The following MAGI2 variants were observed in gnomAD, a reference collection of about 807,000 sequenced individuals.
The protein encoded by MAGI2 is membrane-associated guanylate kinase, WW and PDZ domain-containing protein 2.
A neutral mutation model predicts 133.3 loss-of-function variants in MAGI2; 35 were observed. The observed-to-expected ratio is 0.26, with a 90% CI of 0.20 to 0.35. MAGI2 has a LOEUF of 0.35. Ranked by LOEUF, MAGI2 falls within the 10% of genes least tolerant of loss-of-function variation. MAGI2 has a pLI of 1.00. For synonymous variants in MAGI2, 729 were observed against 710.6 expected (o/e 1.03, Z -0.41); for missense variants, 1,636 against 1,863.4 (o/e 0.88, Z 2.25).
intron 2 of MAGI2, among the ~76,000 whole-genome samples, chr7:78,886,987 G>T (rs1045389142): frequency 6.6e-6 from 1 of 152,068 alleles, no homozygotes; most frequent in Non-Finnish European, 1.5e-5. Flanking sequence ...TTCTCCCTTT[G>T]CTGGGCACTT....
chr7:78,055,932 G>A (rs1417448520), intron 21 of MAGI2, among the ~76,000 whole-genome samples: 1 of 152,140 alleles, frequency 6.6e-6, no homozygotes, highest in Non-Finnish European at 1.5e-5. Flanking sequence ...GTGTGGCAGT[G>A]TCTTTTTTTT....
chr7:79,255,662 G>A (rs1833629335), intron 1 of MAGI2, among the ~76,000 whole-genome samples: 2 of 152,072 alleles, frequency 1.3e-5, no homozygotes, highest in Admixed American at 1.3e-4. Context: ...AACAACAGCA[G>A]GTGTGGAAAT....
chr7:79,298,418 T>C (rs1346437602), intron 1 of MAGI2, among the ~76,000 whole-genome samples: 1 of 152,080 alleles, frequency 6.6e-6, no homozygotes, highest in Admixed American at 6.6e-5. Flanking sequence ...GTAAGTTCTT[T>C]TAGGAACAAG....
intron 1 of MAGI2, among the ~76,000 whole-genome samples, chr7:79,309,979 AAAAAG>A (rs556576123): frequency 7.1e-6 from 1 of 141,188 alleles, no homozygotes; most frequent in Non-Finnish European, 1.5e-5. Flanking sequence ...AAAAAAAAAA[AAAAAG>A]AAAAGAAAAG....
chr7:79,201,112 G>A (rs1828575223), intron 1 of MAGI2, among the ~76,000 whole-genome samples: 1 of 151,992 alleles, frequency 6.6e-6, no homozygotes, highest in South Asian at 2.1e-4. Context: ...AGAGGGGTGG[G>A]AGACAGGTAT....
intron 1 of MAGI2, among the ~76,000 whole-genome samples, chr7:79,283,268 T>C (rs778612549): frequency 1.3e-5 from 2 of 152,118 alleles, no homozygotes; most frequent in Non-Finnish European, 2.9e-5. Context: ...AGAGGACATA[T>C]AAATGCATGA....
At chr7:78,320,801 G>C (rs373819119) in intron 9 of MAGI2, among the ~76,000 whole-genome samples, 32 of 152,142 alleles carry the variant, frequency 2.1e-4, no homozygotes, top group African/African-American at 7.2e-4. Flanking sequence ...AGAAACAAAG[G>C]GTATTCAAAT....
At chr7:78,340,021 T>G (rs948614794) in intron 9 of MAGI2, among the ~76,000 whole-genome samples, 3 of 152,204 alleles carry the variant, frequency 2.0e-5, no homozygotes, top group Non-Finnish European at 4.4e-5. Flanking sequence ...TACCTCAATT[T>G]TTTTTGTTTC....
At chr7:78,119,688 G>A (rs754011427) in intron 20 of MAGI2, among the ~76,000 whole-genome samples, 1 of 151,994 alleles carries the variant, frequency 6.6e-6, no homozygotes, top group Non-Finnish European at 1.5e-5. Flanking sequence ...CCAGTCTGGT[G>A]GGAAATGTTG....
At chr7:79,182,236 C>T (rs1826685752) in intron 1 of MAGI2, among the ~76,000 whole-genome samples, 1 of 151,954 alleles carries the variant, frequency 6.6e-6, no homozygotes, top group East Asian at 1.9e-4. Flanking sequence ...ATTCCTGAGA[C>T]TGGGCAATTT....
At chr7:78,473,068 A>G (rs2150430447) in intron 6 of MAGI2, among the ~76,000 whole-genome samples, 1 of 152,242 alleles carries the variant, frequency 6.6e-6, no homozygotes, top group South Asian at 2.1e-4. Flanking sequence ...ATTATTTCAC[A>G]AAGTGCTCAT....
At chr7:79,227,404 A>G (rs866296931) in intron 1 of MAGI2, among the ~76,000 whole-genome samples, 11 of 152,234 alleles carry the variant, frequency 7.2e-5, no homozygotes, top group African/African-American at 2.4e-4. Context: ...CAAACATTTA[A>G]TTCTTTCTGC....
At chr7:78,680,463 T>C (rs925410633) in intron 2 of MAGI2, among the ~76,000 whole-genome samples, 20 of 152,042 alleles carry the variant, frequency 1.3e-4, no homozygotes, top group Non-Finnish European at 2.5e-4. Flanking sequence ...TAAGGAGCAA[T>C]AAAAGAACAG....
intron 1 of MAGI2, among the ~76,000 whole-genome samples, chr7:79,087,763 C>T (rs928769106): frequency 2.0e-5 from 3 of 151,998 alleles, no homozygotes; most frequent in African/African-American, 4.8e-5. Flanking sequence ...ATCCTTTCCC[C>T]ATTGCTTGTT....
chr7:78,937,012 A>T (rs1404755561), intron 2 of MAGI2, among the ~76,000 whole-genome samples: 4 of 152,040 alleles, frequency 2.6e-5, no homozygotes, highest in African/African-American at 9.7e-5. Context: ...TTGAATTCTA[A>T]ATACCACTCT....
intron 1 of MAGI2, among the ~76,000 whole-genome samples, chr7:79,310,867 T>C (rs1292033627): frequency 2.0e-5 from 3 of 152,080 alleles, no homozygotes; most frequent in Non-Finnish European, 4.4e-5. Flanking sequence ...ACAGCAGTAC[T>C]ACATTTACCT....
At chr7:78,501,309 A>C (rs1433731177) in intron 5 of MAGI2, among the ~76,000 whole-genome samples, 1 of 149,538 alleles carries the variant, frequency 6.7e-6, no homozygotes, top group African/African-American at 2.6e-5. Flanking sequence ...ATTCAATAAT[A>C]ACATCACATG....
intron 6 of MAGI2, among the ~76,000 whole-genome samples, chr7:78,385,338 C>T (rs1795281005): frequency 2.6e-5 from 4 of 152,106 alleles, no homozygotes; most frequent in Admixed American, 2.6e-4. Flanking sequence ...CTGACAGTGC[C>T]CATCTTATCC....
intron 1 of MAGI2, among the ~76,000 whole-genome samples, chr7:79,071,707 G>A (rs1562858916): frequency 6.6e-6 from 1 of 151,978 alleles, no homozygotes; most frequent in Non-Finnish European, 1.5e-5. Flanking sequence ...CGGCCTTACG[G>A]AGCTGTGGTG....
Sources: allele counts gnomAD v4.1 joint callset (sites outside exome capture counted in the v4.1 genomes callset), GRCh38; gene constraint gnomAD v4.1.1; transcripts MANE v1.5; gene names NCBI Gene and HGNC (gene_info 2026-07-23, HGNC 2026-07-21).